AHCYL2: variants seen among roughly 807,000 people sequenced by gnomAD.
The protein encoded by AHCYL2 is adenosylhomocysteinase like 2.
AHCYL2 carries 28 observed loss-of-function variants against 81.4 expected under a neutral mutation model. The observed-to-expected ratio is 0.34, with a 90% CI of 0.25 to 0.47. The LOEUF is 0.47. AHCYL2 is among the 20% of genes least tolerant of loss of function. AHCYL2 has a pLI of 1.00. For synonymous variants in AHCYL2, 272 were observed against 290.2 expected (o/e 0.94, Z 0.64); for missense variants, 551 against 785.1 (o/e 0.70, Z 3.56).
intron 1 of AHCYL2, among the ~76,000 whole-genome samples, chr7:129,225,876 G>A (rs1794197150): frequency 6.6e-6 from 1 of 152,222 alleles, no homozygotes; most frequent in Non-Finnish European, 1.5e-5. Flanking sequence ...GTAAGGTGTA[G>A]TCACCTTGCA....
chr7:129,410,240 C>G (rs1796503718), intron 11 of AHCYL2: 1 of 1,613,834 alleles, frequency 6.2e-7, no homozygotes, highest in Admixed American at 1.7e-5. Context: ...GGCTCCTTCT[C>G]CATCACTGCC....
At chr7:129,381,090 G>A (rs1794933600) in intron 2 of AHCYL2, among the ~76,000 whole-genome samples, 1 of 152,130 alleles carries the variant, frequency 6.6e-6, no homozygotes. Flanking sequence ...TCACAAACTG[G>A]TTAATGTAAC....
chr7:129,317,460 A>G (rs1797861346), intron 1 of AHCYL2, among the ~76,000 whole-genome samples: 1 of 152,230 alleles, frequency 6.6e-6, no homozygotes, highest in South Asian at 2.1e-4. Context: ...TGCAAGTCTA[A>G]TACCTGTGAA....
Position 129,279,381 on chromosome 7 carries a change from T to C in AHCYL2, c.363+53942T>C, listed in dbSNP as rs560776842. Among the ~76,000 whole-genome samples, 406 of 152,220 alleles carry C rather than the reference T, an allele frequency of 2.7e-3. 2 individuals are homozygous for C. Among genetic ancestry groups the C allele is most frequent in the Non-Finnish European group, 4.9e-3 (332 of 68,008 alleles). ...CCAGGCTGGTCTCACACTCCCAACC[T>C]CAGGTGATCCCCCCACCCCGGCTTC... On this transcript the variant is annotated intron_variant, in intron 1 of 16. Coordinates refer to ENST00000325006, the MANE Select transcript of AHCYL2 (RefSeq NM_015328.4).
intron 1 of AHCYL2, among the ~76,000 whole-genome samples, chr7:129,360,457 G>C (rs188795271): frequency 6.6e-6 from 1 of 152,272 alleles, no homozygotes; most frequent in East Asian, 1.9e-4. Context: ...CATATTCATG[G>C]GTTGTTTACT....
At chr7:129,242,009 A>G (rs1284791150) in intron 1 of AHCYL2, among the ~76,000 whole-genome samples, 1 of 151,994 alleles carries the variant, frequency 6.6e-6, no homozygotes, top group African/African-American at 2.4e-5. Flanking sequence ...TTTGCTATAT[A>G]TTCTTTATCA....
At chr7:129,250,671 T>C (rs1013672371) in intron 1 of AHCYL2, among the ~76,000 whole-genome samples, 1 of 152,218 alleles carries the variant, frequency 6.6e-6, no homozygotes, top group Non-Finnish European at 1.5e-5. Context: ...TGATAGTTGG[T>C]AGGGCAGATT....
intron 1 of AHCYL2, among the ~76,000 whole-genome samples, chr7:129,329,216 G>A (rs1798331829): frequency 1.3e-5 from 2 of 152,194 alleles, no homozygotes; most frequent in South Asian, 4.1e-4. Context: ...GTCTCATTCT[G>A]TTGCTCGGGC....
chr7:129,338,022 G>A (rs1193272456), intron 1 of AHCYL2, among the ~76,000 whole-genome samples: 2 of 152,182 alleles, frequency 1.3e-5, no homozygotes, highest in Admixed American at 6.5e-5. Context: ...GGGATTACAG[G>A]TATGAGCCAC....
At chr7:129,354,778 C>T (rs950150067) in intron 1 of AHCYL2, among the ~76,000 whole-genome samples, 1 of 152,174 alleles carries the variant, frequency 6.6e-6, no homozygotes, top group African/African-American at 2.4e-5. Context: ...TAGAGAACTG[C>T]ACTTAGAAGC....
chr7:129,225,043 G>A lies in AHCYL2; in HGVS notation c.-34G>A. ...GCGGGGCCGACCAAGAGCAGGAGCT[G>A]GAGTCTGAGCCGGTGGTTGCAGCGG... On this transcript the variant is annotated 5_prime_UTR_variant, in exon 1 of 17. Coordinates refer to ENST00000325006, the MANE Select transcript of AHCYL2 (RefSeq NM_015328.4). The A allele has an allele frequency of 1.3e-6, 2 of 1,566,568 alleles. No homozygotes were observed. The highest frequency in any genetic ancestry group is 2.0e-4 in the Middle Eastern group (1 of 4,968).
At chr7:129,280,064 G>A (rs887950139) in intron 1 of AHCYL2, among the ~76,000 whole-genome samples, 1 of 151,962 alleles carries the variant, frequency 6.6e-6, no homozygotes, top group Non-Finnish European at 1.5e-5. Flanking sequence ...CTCTATTTAA[G>A]ATGGAGTCGC....
rs1797391736 is a variant in AHCYL2, at chr7:129,426,961, C to G, written c.1830-78C>G. ...GAAAAGTCTCTGCCTCCCTGTTACA[C>G]CTTTAGGCAGGCTCTTCATGTCCCA... On this transcript the variant is annotated intron_variant, in intron 16 of 16. Transcript: ENST00000325006. This position sits in a 1 kb window ranked among gnomAD's most constrained non-coding sequence, Gnocchi z 4.3. The G allele has an allele frequency of 6.8e-7, 1 of 1,467,412 alleles. No homozygotes were observed. Among genetic ancestry groups the G allele is most frequent in the African/African-American group, 1.4e-5 (1 of 71,578 alleles). 90.9% of individuals were successfully genotyped at this position (1,467,412 alleles called of 1,614,324 possible).
intron 1 of AHCYL2, among the ~76,000 whole-genome samples, chr7:129,291,540 G>T (rs1796862421): frequency 6.7e-6 from 1 of 150,046 alleles, no homozygotes; most frequent in African/African-American, 2.4e-5. Context: ...TGCAGGATGG[G>T]GTGGTATTCA....
intron 6 of AHCYL2, 117 bp downstream of exon 6, chr7:129,400,501 C>A: frequency 1.1e-6 from 1 of 876,648 alleles, no homozygotes; most frequent in Non-Finnish European, 1.7e-6. Flanking sequence ...TCATTTCTAT[C>A]TGATATACCT....
At position 129,324,677 on chromosome 7, in the gene AHCYL2, G is replaced by A. The variant is rs1423154764; in HGVS notation, c.364-54961G>A. ...ACTACAGGCGCCTGCCACCACGCCC[G>A]GCTAATTTTTTGTGTTTTTAGTAGA... On this transcript the variant is annotated intron_variant, in intron 1 of 16. Coordinates refer to ENST00000325006, the MANE Select transcript of AHCYL2 (RefSeq NM_015328.4). 9.9e-5 allele frequency among the ~76,000 whole-genome samples: 15 copies of A among 152,052 alleles called. No individual in the cohort carries two copies. In the East Asian group the frequency reaches 1.7e-3, roughly 18 times the overall value.
chr7:129,320,991 T>C (rs957731248), intron 1 of AHCYL2, among the ~76,000 whole-genome samples: 6 of 152,234 alleles, frequency 3.9e-5, no homozygotes, highest in Non-Finnish European at 4.4e-5. Context: ...CAGTCATCAG[T>C]TGATGCACAT....
intron 1 of AHCYL2, among the ~76,000 whole-genome samples, chr7:129,294,081 T>C (rs1796969396): frequency 6.6e-6 from 1 of 152,246 alleles, no homozygotes; most frequent in Non-Finnish European, 1.5e-5. Context: ...AAAAGAAACA[T>C]TCTTCTCTTC....
At chr7:129,236,417 T>G (rs912484823) in intron 1 of AHCYL2, among the ~76,000 whole-genome samples, 1 of 151,966 alleles carries the variant, frequency 6.6e-6, no homozygotes, top group Non-Finnish European at 1.5e-5. Flanking sequence ...CCCAGGATGG[T>G]CTTGAACTCC....
Sources: gnomAD v4.1 joint callset for allele counts (sites outside exome capture counted in the v4.1 genomes callset) on GRCh38, gnomAD v4.1.1 for gene constraint, Gnocchi (gnomAD v3.1) non-coding constraint, MANE v1.5 for transcripts, NCBI Gene and HGNC (gene_info 2026-07-23, HGNC 2026-07-21) for gene names.